Variants in MAP1LC3A observed in about 807,000 individuals in gnomAD.
MAP1LC3A encodes the protein microtubule associated protein 1 light chain 3 alpha.
A neutral mutation model predicts 15.2 loss-of-function variants in MAP1LC3A; 10 were observed. The ratio of observed to expected loss-of-function variants is 0.66; its 90% CI spans 0.41 to 1.12. The LOEUF (loss-of-function observed/expected upper bound fraction) is 1.12, where lower values mean the gene tolerates loss of function less well. MAP1LC3A is among the 50% of genes most tolerant of loss of function. The pLI is 0.00. For missense variants in MAP1LC3A, 138 were observed against 167.3 expected (o/e 0.82, Z 0.97); for synonymous variants, 63 against 64.3 (o/e 0.98, Z 0.10).
chr20:34,549,028 G>T (rs530629073), intron 1 of MAP1LC3A, among the ~76,000 whole-genome samples: 1 of 150,492 alleles, frequency 6.6e-6, no homozygotes, highest in East Asian at 2.0e-4. Context: ...TTTGGTTGTG[G>T]TTTTTTGGTT....
chr20:34,554,407 C>T (rs1982070354), upstream of MAP1LC3A, among the ~76,000 whole-genome samples: 2 of 117,774 alleles, frequency 1.7e-5, no homozygotes, highest in African/African-American at 6.7e-5. Flanking sequence ...CAAACTCTCG[C>T]TCTGTCACCA....
Position 34,560,043 on chromosome 20 carries a change from C to G in MAP1LC3A, c.*145C>G, listed in dbSNP as rs1257249012. On this transcript the variant is annotated 3_prime_UTR_variant, in exon 4 of 4. Transcript: ENST00000360668. ...CCCTAGTCAGAGGGCACCAACCCAC[C>G]TACTCTGCCCCTGGGTGGATCCTGG... 1 of 774,456 alleles carries G rather than the reference C, an allele frequency of 1.3e-6. No homozygotes were observed. The highest frequency in any genetic ancestry group is 3.0e-5 in the Admixed American group (1 of 32,924). 48.0% of individuals were successfully genotyped at this position (774,456 alleles called of 1,614,324 possible).
intron 2 of MAP1LC3A, among the ~76,000 whole-genome samples, chr20:34,552,635 G>A (rs1207384660): frequency 6.6e-6 from 1 of 152,244 alleles, no homozygotes; most frequent in African/African-American, 2.4e-5. Context: ...AGGGGTATGT[G>A]GGGACAGGAC....
chr20:34,553,287 T>C (rs1262695348), intron 2 of MAP1LC3A, among the ~76,000 whole-genome samples: 1 of 152,178 alleles, frequency 6.6e-6, no homozygotes, highest in African/African-American at 2.4e-5. Flanking sequence ...CATGGGTTTG[T>C]TGTGCACAGG....
chr20:34,559,044 G>C, intron 1 of MAP1LC3A, 136 bp downstream of exon 1: 2 of 1,330,974 alleles, frequency 1.5e-6, no homozygotes, highest in Non-Finnish European at 1.9e-6. Flanking sequence ...CCTGGGCGGG[G>C]GCTGCCCGCT....
At chr20:34,558,195 C>T, upstream of MAP1LC3A, 4 of 975,502 alleles carry the variant, frequency 4.1e-6, no homozygotes, top group Non-Finnish European at 4.9e-6. This position sits in a 1 kb window ranked among gnomAD's most constrained non-coding sequence, Gnocchi z 4.3. Flanking sequence ...TCTGCCTTCT[C>T]ACCTCATCCT....
chr20:34,547,473 T>C lies in MAP1LC3A; in HGVS notation c.-74+557T>C, dbSNP rs996391577. 4.0e-5 allele frequency among the ~76,000 whole-genome samples: 6 copies of C among 149,544 alleles called. No homozygotes were observed. In the Admixed American group the frequency reaches 4.0e-4, roughly 10 times the overall value. Reference sequence around the variant, plus strand: ...ACAGGGTCTGGTTATGTTGCTGATATGGTCTGGCTCTGCCCCACCCAAAAT... The same window carrying C: ...ACAGGGTCTGGTTATGTTGCTGATACGGTCTGGCTCTGCCCCACCCAAAAT... On this transcript the variant is annotated intron_variant, in intron 1 of 4. Transcript: ENST00000374837.
At chr20:34,557,444 CCT>C (rs1350367850), upstream of MAP1LC3A, among the ~76,000 whole-genome samples, 2 of 152,106 alleles carry the variant, frequency 1.3e-5, no homozygotes, top group African/African-American at 4.8e-5. Context: ...CTCAAATTGC[CCT>C]CTCAGTCTTC....
chr20:34,549,681 C>T (rs1981873501), intron 1 of MAP1LC3A, among the ~76,000 whole-genome samples: 1 of 152,162 alleles, frequency 6.6e-6, no homozygotes, highest in South Asian at 2.1e-4. Flanking sequence ...GCGGGTTATT[C>T]AGAAATAGCT....
At chr20:34,559,088 C>T in intron 1 of MAP1LC3A, 120 bp from the exon 2 acceptor site, 2 of 1,339,472 alleles carry the variant, frequency 1.5e-6, no homozygotes, top group Non-Finnish European at 9.6e-7. Flanking sequence ...GGCTGTGGGG[C>T]CTGATGGCCC....
At chr20:34,556,198 T>C (rs1024307841), upstream of MAP1LC3A, among the ~76,000 whole-genome samples, 4 of 152,238 alleles carry the variant, frequency 2.6e-5, no homozygotes, top group Non-Finnish European at 5.9e-5. Flanking sequence ...ATAATTTTTA[T>C]TTATATATGA....
At chr20:34,549,345 C>T (rs1401904647) in intron 1 of MAP1LC3A, among the ~76,000 whole-genome samples, 7 of 152,162 alleles carry the variant, frequency 4.6e-5, no homozygotes, top group Admixed American at 6.5e-5. Context: ...AGTCTGTAAA[C>T]GGGAACTGCC....
intron 1 of MAP1LC3A, 150 bp downstream of exon 1, chr20:34,559,058 C>G (rs933864491): frequency 7.5e-7 from 1 of 1,327,884 alleles, no homozygotes; most frequent in African/African-American, 1.6e-5. Flanking sequence ...GCCCGCTTCC[C>G]CACCGCGATA....
At chr20:34,549,960 A>T in exon 2 of MAP1LC3A, 2 of 1,613,752 alleles carry the variant, frequency 1.2e-6, no homozygotes, top group Non-Finnish European at 8.5e-7. Context: ...TAGTTCTGAC[A>T]CTGTCTCAGT....
intron 1 of MAP1LC3A, 137 bp from the exon 2 acceptor site, chr20:34,559,071 T>C (rs1982296501): frequency 7.5e-7 from 1 of 1,334,932 alleles, no homozygotes; most frequent in Non-Finnish European, 9.6e-7. Context: ...CCGCGATAGG[T>C]GCCAGGGGCT....
At chr20:34,547,136 G>A (rs1451632893) in intron 1 of MAP1LC3A, among the ~76,000 whole-genome samples, 2 of 152,304 alleles carry the variant, frequency 1.3e-5, no homozygotes, top group Admixed American at 6.5e-5. Flanking sequence ...CGCAGGAGAG[G>A]AGAGAAAACA....
At chr20:34,554,269 T>G (rs978566560), upstream of MAP1LC3A, among the ~76,000 whole-genome samples, 2 of 152,056 alleles carry the variant, frequency 1.3e-5, no homozygotes, top group African/African-American at 4.8e-5. Flanking sequence ...TACTAGCCAT[T>G]TGTTCCTGGC....
upstream of MAP1LC3A, chr20:34,558,541 G>T: frequency 8.8e-7 from 1 of 1,132,172 alleles, no homozygotes; most frequent in African/African-American, 1.6e-5. The surrounding 1 kb of genome is among the most constrained non-coding windows in gnomAD (Gnocchi z 4.3). Flanking sequence ...CTCCCGCGCT[G>T]CCCATGACGT....
intron 2 of MAP1LC3A, among the ~76,000 whole-genome samples, chr20:34,551,216 C>T (rs926300668): frequency 2.0e-5 from 3 of 151,170 alleles, no homozygotes; most frequent in African/African-American, 7.3e-5. Context: ...CTTGCCACTG[C>T]ACTTCAGCCT....
Sources: gnomAD v4.1 joint callset for allele counts (sites outside exome capture counted in the v4.1 genomes callset) on GRCh38, gnomAD v4.1.1 for gene constraint, Gnocchi (gnomAD v3.1) non-coding constraint, MANE v1.5 for transcripts, NCBI Gene and HGNC (gene_info 2026-07-23, HGNC 2026-07-21) for gene names.